The following SRSF7 variants were observed in gnomAD, a reference collection of about 807,000 sequenced individuals.
SRSF7 encodes serine and arginine rich splicing factor 7.
A neutral mutation model predicts 42.2 loss-of-function variants in SRSF7; 15 were observed. The ratio of observed to expected loss-of-function variants is 0.36; its 90% CI spans 0.24 to 0.55. The LOEUF is 0.55. Ranked by LOEUF, SRSF7 falls within the 20% of genes least tolerant of loss-of-function variation. SRSF7 has a pLI of 0.88. For synonymous variants in SRSF7, 138 were observed against 107.9 expected (o/e 1.28, Z -1.73); for missense variants, 181 against 305.9 (o/e 0.59, Z 3.04).
chr2:38,746,178 G>T lies in SRSF7; in HGVS notation c.628C>A (p.Arg210=). ...SRSISRPRSS[R]SKSRSPSPKR... ...GGAGATGGAGATCTGGACTTTGATC[G>T]GCTGTCAAAACATGAGAAATTCTAT... The change falls in exon 7 of 8, where the codon CGA becomes AGA. Residue 210 remains arginine (R), a splice_region_variant and synonymous_variant. Coordinates refer to ENST00000313117, the MANE Select transcript of SRSF7 (RefSeq NM_001031684.3). 2 of 1,613,968 alleles carry T rather than the reference G, an allele frequency of 1.2e-6. No homozygotes were observed. Among genetic ancestry groups the T allele is most frequent in the Non-Finnish European group, 1.7e-6 (2 of 1,179,978 alleles).
intron 1 of SRSF7, among the ~76,000 whole-genome samples, chr2:38,750,599 C>T (rs1330477431): frequency 1.3e-5 from 2 of 151,916 alleles, no homozygotes; most frequent in African/African-American, 2.4e-5. Flanking sequence ...CAGGGCTGCG[C>T]CGGCTCTCGT....
At position 38,744,977 on chromosome 2, in the gene SRSF7, T is replaced by C; in HGVS notation, c.*156A>G. ...TGATGTTAATACATTCAACAAAATT[T>C]ATATTATCTTACTGCTGTGAATTTA... On this transcript the variant is annotated 3_prime_UTR_variant, in exon 8 of 8. Transcript: ENST00000313117. The C allele has an allele frequency of 2.9e-6, 2 of 680,552 alleles. No homozygotes were observed. The highest frequency in any genetic ancestry group is 2.9e-5 in the South Asian group (1 of 34,274). The allele number at this position is 680,552 out of a possible 1,614,324, so 42.2% of individuals were successfully genotyped here.
At position 38,751,184 on chromosome 2, in the gene SRSF7, C is replaced by G. The variant is rs749540967; in HGVS notation, c.28+45G>C. 12 of 1,613,130 alleles carry G rather than the reference C, an allele frequency of 7.4e-6. No individual in the cohort carries two copies. In the East Asian group the frequency reaches 2.0e-4, roughly 27 times the overall value. Reference sequence around the variant, plus strand: ...GACAACCCTACGGCCTCGCAGTGCTCACTACACCCACACCAACGTCCCTCA... The same window carrying G: ...GACAACCCTACGGCCTCGCAGTGCTGACTACACCCACACCAACGTCCCTCA... On this transcript the variant is annotated intron_variant, in intron 1 of 7. Coordinates refer to ENST00000313117, the MANE Select transcript of SRSF7 (RefSeq NM_001031684.3).
At position 38,743,895 on chromosome 2, in the gene SRSF7, C is replaced by T; in HGVS notation, c.*1238G>A. The T allele has an allele frequency of 1.5e-4, 17 of 110,086 alleles. No individual in the cohort carries two copies. The East Asian group carries it at 3.2e-3, about 21-fold the overall frequency. The allele number at this position is 110,086 out of a possible 1,614,324, so 6.8% of individuals were successfully genotyped here. ...CAAGCCTAGGTATCTGCGCAACCAG[C>T]AGGTTTTTTTTTTTTTGTACCAAGG... On this transcript the variant is annotated 3_prime_UTR_variant, in exon 8 of 8. Transcript: ENST00000313117.
At chr2:38,747,351 T>C (rs1462060820) in intron 5 of SRSF7, among the ~76,000 whole-genome samples, 2 of 152,232 alleles carry the variant, frequency 1.3e-5, no homozygotes, top group African/African-American at 4.8e-5. Context: ...GACCACAAGA[T>C]TCAGAATTCC....
chr2:38,749,814 C>T lies in SRSF7; in HGVS notation c.210-109G>A, dbSNP rs1053833448. The T allele has an allele frequency of 1.1e-5, 14 of 1,333,002 alleles. No homozygotes were observed. The African/African-American group carries it at 1.6e-4, about 16-fold the overall frequency. 82.6% of individuals were successfully genotyped at this position (1,333,002 alleles called of 1,614,324 possible). On this transcript the variant is annotated intron_variant, in intron 2 of 7. Coordinates refer to ENST00000313117, the MANE Select transcript of SRSF7 (RefSeq NM_001031684.3). ...CACTCTTTCCAACCACTCCTTCCCC[C>T]CCAACAAACTTTGGCGGTCTTTACC... is the stretch of plus-strand genomic sequence containing the variant.
Position 38,745,021 on chromosome 2 carries a change from T to C in SRSF7, c.*112A>G. On this transcript the variant is annotated 3_prime_UTR_variant, in exon 8 of 8. Transcript: ENST00000313117. ...GAATTTACATAGTAATCCAGATCCATTTTGATTAGATGGTTGAATTATCTT... is the reference window on the plus strand; with the variant it reads ...GAATTTACATAGTAATCCAGATCCACTTTGATTAGATGGTTGAATTATCTT... The C allele has an allele frequency of 1.8e-6, 2 of 1,096,244 alleles. No individual in the cohort carries two copies. Among genetic ancestry groups the C allele is most frequent in the African/African-American group, 1.6e-5 (1 of 63,180 alleles). 67.9% of individuals were successfully genotyped at this position (1,096,244 alleles called of 1,614,324 possible).
In SRSF7 at chr2:38,746,165, C is replaced by G; in HGVS notation, c.641G>C (p.Arg214Thr). 6.2e-7 allele frequency: 1 copy of G among 1,614,066 alleles called. No homozygotes were observed. The highest frequency in any genetic ancestry group is 8.5e-7 in the Non-Finnish European group (1 of 1,179,994). ...TTACCTTCTTTTTGGAGATGGAGAT[C>G]TGGACTTTGATCGGCTGTCAAAACA... ...SRPRSSRSKS[R>T]SPSPKRSRSP... The change falls in exon 7 of 8, where the codon AGA becomes ACA. Residue 214 changes from arginine to threonine, a missense_variant. Around this residue, in one of 2 missense-constraint regions of SRSF7, gnomAD observed 136 missense variants for 147.8 expected, o/e 0.92. Coordinates refer to ENST00000313117, the MANE Select transcript of SRSF7 (RefSeq NM_001031684.3).
chr2:38,743,903 T>A lies in SRSF7; in HGVS notation c.*1230A>T. 6.6e-6 allele frequency: 1 copy of A among 151,966 alleles called. No homozygotes were observed. The highest frequency in any genetic ancestry group is 2.4e-5 in the African/African-American group (1 of 41,330). 9.4% of individuals were successfully genotyped at this position (151,966 alleles called of 1,614,324 possible). A position where few individuals can be genotyped will look rare whatever the true frequency, so the allele number is the denominator to read the frequency against. On this transcript the variant is annotated 3_prime_UTR_variant, in exon 8 of 8. Transcript: ENST00000313117. ...GGTATCTGCGCAACCAGCAGGTTTT[T>A]TTTTTTTTGTACCAAGGCTAGAGAA...
At chr2:38,745,212 G>T in intron 7 of SRSF7, 25 bp from the exon 8 acceptor site, 5 of 1,613,286 alleles carry the variant, frequency 3.1e-6, no homozygotes, top group Non-Finnish European at 4.2e-6. Context: ...ATTAGGTTTG[G>T]ATCCAATTAG....
chr2:38,745,723 C>G (rs1321652462), intron 7 of SRSF7, among the ~76,000 whole-genome samples: 1 of 151,890 alleles, frequency 6.6e-6, no homozygotes, highest in Non-Finnish European at 1.5e-5. Context: ...TTAAATATGA[C>G]AACTATTTGA....
chr2:38,747,762 A>C (rs1165792662), intron 5 of SRSF7, among the ~76,000 whole-genome samples: 1 of 152,188 alleles, frequency 6.6e-6, no homozygotes, highest in African/African-American at 2.4e-5. Flanking sequence ...TCCAATCTGA[A>C]GCCAGAAAAG....
At chr2:38,748,283 C>T in intron 4 of SRSF7, 126 bp from the exon 5 acceptor site, 1 of 741,702 alleles carries the variant, frequency 1.3e-6, no homozygotes, top group East Asian at 2.7e-5. Context: ...ATCGTTTGAG[C>T]CCAGGAGCTT....
chr2:38,744,370 TTAAC>T lies in SRSF7; in HGVS notation c.*759_*762del. 1.1e-3 allele frequency: 168 copies of T among 152,672 alleles called. No homozygotes were observed. The highest frequency in any genetic ancestry group is 1.9e-3 in the Non-Finnish European group (126 of 68,002). The allele number at this position is 152,672 out of a possible 1,614,324, so 9.5% of individuals were successfully genotyped here. A position where few individuals can be genotyped will look rare whatever the true frequency, so the allele number is the denominator to read the frequency against. On this transcript the variant is annotated 3_prime_UTR_variant, in exon 8 of 8. Coordinates refer to ENST00000313117, the MANE Select transcript of SRSF7 (RefSeq NM_001031684.3). The stretch of plus-strand genomic sequence containing the variant: ...CATGCATTTTTTGGTATAAAACTGG[TTAAC>T]TAATGTAGAAAGCAAAGAAACAAGA...
At chr2:38,751,050 C>T (rs185905954) in intron 1 of SRSF7, 179 bp downstream of exon 1, 1 of 726,578 alleles carries the variant, frequency 1.4e-6, no homozygotes, top group East Asian at 2.8e-5. Flanking sequence ...GAGATGTACA[C>T]CCGCCATCCC....
At position 38,751,337 on chromosome 2, in the gene SRSF7, C is replaced by G; in HGVS notation, c.-81G>C. On this transcript the variant is annotated 5_prime_UTR_variant, in exon 1 of 8. Transcript: ENST00000313117. Reference sequence around the variant, plus strand: ...CGCAAAAGCTGACACACACCTTCACCCGCCAAGAGTCCCGGCGGCACTACG... The same window carrying G: ...CGCAAAAGCTGACACACACCTTCACGCGCCAAGAGTCCCGGCGGCACTACG... 8.2e-6 allele frequency: 13 copies of G among 1,594,450 alleles called. No individual in the cohort carries two copies. Among genetic ancestry groups the G allele is most frequent in the South Asian group, 2.2e-5 (2 of 90,612 alleles).
At chr2:38,746,956 T>A (rs1024961819) in intron 5 of SRSF7, 6 of 786,012 alleles carry the variant, frequency 7.6e-6, no homozygotes, top group African/African-American at 3.5e-5. Flanking sequence ...TATCACTCAA[T>A]TGGTTAGTTT....
chr2:38,746,631 C>T (rs1200792575), intron 6 of SRSF7, 63 bp downstream of exon 6: 2 of 1,600,076 alleles, frequency 1.2e-6, no homozygotes, highest in African/African-American at 1.4e-5. Context: ...ATTAAAAACA[C>T]TTTGAACTCT....
At chr2:38,751,141 C>T (rs1207689706) in intron 1 of SRSF7, 88 bp downstream of exon 1, 2 of 1,563,302 alleles carry the variant, frequency 1.3e-6, no homozygotes, top group Admixed American at 1.7e-5. Flanking sequence ...CGCGGAATAA[C>T]CGTCTCCCAA....
Sources: allele counts gnomAD v4.1 joint callset (sites outside exome capture counted in the v4.1 genomes callset), GRCh38; gene constraint gnomAD v4.1.1; regional missense constraint gnomAD v4.1.1; transcripts MANE v1.5; gene names NCBI Gene and HGNC (gene_info 2026-07-23, HGNC 2026-07-21).